Variants in DENND6A observed in about 807,000 individuals in gnomAD.
DENND6A encodes protein DENND6A.
In DENND6A, 43 loss-of-function variants were observed where a neutral mutation model predicts 95.5. The ratio of observed to expected loss-of-function variants is 0.45; its 90% CI spans 0.35 to 0.58. DENND6A has a LOEUF of 0.58. DENND6A is among the 20% of genes least tolerant of loss of function. The pLI is 0.00. For missense variants in DENND6A, 574 were observed against 736.0 expected, an observed-to-expected ratio of 0.78 and a Z score of 2.55; for synonymous variants, 257 against 260.4, an observed-to-expected ratio of 0.99 and a Z score of 0.13.
intron 4 of DENND6A, chr3:57,665,816 TGTACA>T (rs1244270411): frequency 2.5e-5 from 5 of 201,320 alleles, no homozygotes; most frequent in Non-Finnish European, 5.0e-5. Flanking sequence ...TGATAGTTAC[TGTACA>T]GTACAACTCC....
chr3:57,671,035 T>C (rs1053826900), intron 3 of DENND6A, among the ~76,000 whole-genome samples: 7 of 152,166 alleles, frequency 4.6e-5, no homozygotes, highest in Non-Finnish European at 7.3e-5. Flanking sequence ...AAAAACCCCT[T>C]ACTGGGATCT....
chr3:57,692,861 A>G lies in DENND6A; in HGVS notation c.158T>C (p.Leu53Pro), dbSNP rs761152632. The G allele has an allele frequency of 6.3e-7, 1 of 1,585,724 alleles. No homozygotes were observed. The highest frequency in any genetic ancestry group is 8.5e-7 in the Non-Finnish European group (1 of 1,169,774). ...EEDDGRGRGL[L>P]RWDSFSAWLH... ...CCAGGCGGAGAAGCTGTCCCAGCGC[A>G]GCAGGCCCCGGCCACGGCCATCGTC... The change falls in exon 1 of 20, where the codon CTG (leucine) becomes CCG (proline). Residue 53 changes from leucine to proline, a missense_variant. Around this residue, in one of 2 missense-constraint regions of DENND6A, gnomAD observed 122 missense variants for 105.1 expected, o/e 1.16. Transcript: ENST00000311128.
At chr3:57,690,284 T>C (rs927900122) in intron 1 of DENND6A, among the ~76,000 whole-genome samples, 2 of 152,078 alleles carry the variant, frequency 1.3e-5, no homozygotes, top group African/African-American at 4.8e-5. Context: ...GGTGGGCAGA[T>C]CACACTGTCA....
intron 15 of DENND6A, among the ~76,000 whole-genome samples, 176 bp downstream of exon 15, chr3:57,633,089 C>G (rs1010488759): frequency 6.6e-6 from 1 of 152,148 alleles, no homozygotes; most frequent in Non-Finnish European, 1.5e-5. Flanking sequence ...CAAAGTTGAA[C>G]AGTTAACACT....
At chr3:57,653,897 C>T (rs530657227) in intron 9 of DENND6A, among the ~76,000 whole-genome samples, 3 of 150,664 alleles carry the variant, frequency 2.0e-5, no homozygotes, top group Non-Finnish European at 2.9e-5. Flanking sequence ...GCTAAGCTCC[C>T]ACCACCAAAA....
intron 11 of DENND6A, among the ~76,000 whole-genome samples, chr3:57,644,981 A>T (rs1245836609): frequency 6.6e-6 from 1 of 151,920 alleles, no homozygotes. Context: ...TGGAGATCGT[A>T]CATGCAGATT....
At position 57,692,874 on chromosome 3, in the gene DENND6A, C is replaced by A. The variant is rs1341733542; in HGVS notation, c.145G>T (p.Gly49Cys). 1.3e-6 allele frequency: 2 copies of A among 1,585,622 alleles called. No individual in the cohort carries two copies. Among genetic ancestry groups the A allele is most frequent in the Non-Finnish European group, 1.7e-6 (2 of 1,170,028 alleles). ...PEDDEEDDGRGRGLLRWDSFS... is the reference protein window; with the variant it reads ...PEDDEEDDGRCRGLLRWDSFS... ...CTGTCCCAGCGCAGCAGGCCCCGGC[C>A]ACGGCCATCGTCCTCTTCATCGTCC... The change falls in exon 1 of 20, where the codon GGC becomes TGC. Residue 49 changes from glycine (G) to cysteine (C), a missense_variant. Around this residue, in one of 2 missense-constraint regions of DENND6A, gnomAD observed 122 missense variants for 105.1 expected, o/e 1.16. Coordinates refer to ENST00000311128, the MANE Select transcript of DENND6A (RefSeq NM_152678.3).
At chr3:57,655,960 C>T (rs937611743) in intron 9 of DENND6A, among the ~76,000 whole-genome samples, 3 of 152,248 alleles carry the variant, frequency 2.0e-5, no homozygotes, top group South Asian at 2.1e-4. Context: ...AGTATCAAAA[C>T]GAGAAATGTA....
chr3:57,690,511 A>G (rs769473659), intron 1 of DENND6A, among the ~76,000 whole-genome samples: 28 of 150,870 alleles, frequency 1.9e-4, no homozygotes, highest in Admixed American at 6.6e-4. Flanking sequence ...ACAGAGCAAG[A>G]CTCTCTCTCT....
intron 9 of DENND6A, among the ~76,000 whole-genome samples, chr3:57,656,868 G>C (rs542715752): frequency 2.6e-5 from 4 of 152,204 alleles, no homozygotes; most frequent in Non-Finnish European, 4.4e-5. Flanking sequence ...TGAGGCAGGA[G>C]AATCGCTTGA....
At chr3:57,685,057 G>A (rs1165573391) in intron 1 of DENND6A, among the ~76,000 whole-genome samples, 1 of 152,012 alleles carries the variant, frequency 6.6e-6, no homozygotes, top group Non-Finnish European at 1.5e-5. Context: ...GGGATTACAG[G>A]TATGCGCCAC....
At chr3:57,641,554 A>G in intron 12 of DENND6A, 99 bp downstream of exon 12, 2 of 1,019,766 alleles carry the variant, frequency 2.0e-6, no homozygotes, top group South Asian at 2.0e-5. Context: ...GGCCTTGAAG[A>G]AAGCTGCCAT....
chr3:57,628,314 T>G lies in DENND6A; in HGVS notation c.1727A>C (p.Lys576Thr). 6.2e-7 allele frequency: 1 copy of G among 1,614,156 alleles called. No homozygotes were observed. The highest frequency in any genetic ancestry group is 8.5e-7 in the Non-Finnish European group (1 of 1,180,032). Residue 576 changes from lysine (K) to threonine (T), a missense_variant, in exon 20 of 20, where the codon AAA becomes ACA. By Grantham distance (78) the Lys-to-Thr change is moderately conservative (BLOSUM62 -1). Coordinates refer to ENST00000311128, the MANE Select transcript of DENND6A (RefSeq NM_152678.3). Reference protein sequence around the residue: ...LQADREHLPVKPDTMEKLRTH... With the variant: ...LQADREHLPVTPDTMEKLRTH... ...CCGTAACTTTTCCATAGTGTCAGGT[T>G]TCACAGGTAAGTGCTCTCGATCAGC...
In DENND6A at chr3:57,682,281, C is replaced by CAA. The variant is rs10618015; in HGVS notation, c.238-9845_238-9844dup. 5.4e-3 allele frequency among the ~76,000 whole-genome samples: 289 copies of CAA among 53,568 alleles called. 35 individuals are homozygous for CAA. The highest frequency in any genetic ancestry group is 0.018 in the African/African-American group (220 of 12,198). 35.1% of individuals were successfully genotyped at this position (53,568 alleles called of 152,430 possible). On this transcript the variant is annotated intron_variant, in intron 1 of 19. Transcript: ENST00000311128. ...GGGCAACAAGAGTGAGACTCCGTCTCAAAAAAAAAAAAAAAAAAAAAAAAA... is the reference window on the plus strand; with the variant it reads ...GGGCAACAAGAGTGAGACTCCGTCTCAAAAAAAAAAAAAAAAAAAAAAAAAAA...
chr3:57,645,818 C>A (rs1469118039), intron 10 of DENND6A, 62 bp from the exon 11 acceptor site: 2 of 1,226,394 alleles, frequency 1.6e-6, no homozygotes, highest in Non-Finnish European at 2.4e-6. Flanking sequence ...TAATCTATAA[C>A]TAGAAAACAT....
chr3:57,692,955 C>T lies in DENND6A; in HGVS notation c.64G>A (p.Ala22Thr), dbSNP rs1376344192. The T allele has an allele frequency of 7.8e-6, 12 of 1,546,906 alleles. No homozygotes were observed. In the South Asian group the frequency reaches 1.3e-4, roughly 17 times the overall value. ...GSRRPLDEAV[A>T]GAEGREAPAL... ...GGCGCCTCGCGGCCCTCGGCCCCTG[C>T]CACCGCTTCGTCCAACGGCCTTCGA... The change falls in exon 1 of 20, where the codon GCA becomes ACA. Residue 22 changes from alanine (A) to threonine (T), a missense_variant. Physicochemically the swap from Ala to Thr is moderately conservative, Grantham distance 58. This residue lies in a region of DENND6A where 122 missense variants were observed against 105.1 expected (regional missense o/e 1.16). Coordinates refer to ENST00000311128, the MANE Select transcript of DENND6A (RefSeq NM_152678.3).
chr3:57,636,952 A>C (rs113365393), intron 12 of DENND6A, among the ~76,000 whole-genome samples: 2 of 152,036 alleles, frequency 1.3e-5, no homozygotes, highest in South Asian at 4.1e-4. Context: ...AAAAAAAAAA[A>C]AAAAAAAGTT....
At chr3:57,645,337 T>G (rs2071056455) in intron 11 of DENND6A, among the ~76,000 whole-genome samples, 1 of 152,118 alleles carries the variant, frequency 6.6e-6, no homozygotes, top group African/African-American at 2.4e-5. Context: ...GGCGCATGCC[T>G]GTAATCCCAG....
chr3:57,669,975 G>A (rs567963759), intron 3 of DENND6A, among the ~76,000 whole-genome samples: 253 of 144,266 alleles, frequency 1.8e-3, no homozygotes, highest in Middle Eastern at 0.012. Flanking sequence ...AGCTGCGATC[G>A]TGCCACTGCA....
Sources: allele counts gnomAD v4.1 joint callset (sites outside exome capture counted in the v4.1 genomes callset), GRCh38; gene constraint gnomAD v4.1.1; regional missense constraint gnomAD v4.1.1; transcripts MANE v1.5; gene names NCBI Gene and HGNC (gene_info 2026-07-23, HGNC 2026-07-21).